FGF12: variants seen among roughly 807,000 people sequenced by gnomAD.
FGF12 encodes fibroblast growth factor 12B.
FGF12 carries 14 observed loss-of-function variants against 23.6 expected under a neutral mutation model. The ratio of observed to expected loss-of-function variants is 0.59; its 90% CI spans 0.39 to 0.93. The LOEUF is 0.93. FGF12 is among the 40% of genes least tolerant of loss of function. FGF12 has a pLI of 0.00. For synonymous variants in FGF12, 62 were observed against 77.3 expected (o/e 0.80, Z 1.04); for missense variants, 175 against 217.8 (o/e 0.80, Z 1.24).
chr3:192,686,247 A>G (rs149170081), intron 2 of FGF12, among the ~76,000 whole-genome samples: 181 of 152,330 alleles, frequency 1.2e-3, no homozygotes, highest in African/African-American at 4.0e-3. Flanking sequence ...GACTGGCTTA[A>G]AATGAAAGGA....
chr3:192,688,474 T>G (rs1335020211), intron 2 of FGF12, among the ~76,000 whole-genome samples: 1 of 152,320 alleles, frequency 6.6e-6, no homozygotes, highest in East Asian at 1.9e-4. Flanking sequence ...CTACAAGAAT[T>G]ATGAAGAATC....
chr3:192,342,303 AC>A (rs1717730570), intron 3 of FGF12, among the ~76,000 whole-genome samples: 1 of 152,234 alleles, frequency 6.6e-6, no homozygotes, highest in Non-Finnish European at 1.5e-5. Context: ...TATGTATTAC[AC>A]ATAGACTAAA....
intron 5 of FGF12, among the ~76,000 whole-genome samples, chr3:192,148,318 A>G (rs1259944325): frequency 6.6e-6 from 1 of 152,224 alleles, no homozygotes. Context: ...ACATGAATGA[A>G]CCTTGAAGAA....
chr3:192,667,817 C>G (rs146427977), intron 2 of FGF12, among the ~76,000 whole-genome samples: 110 of 151,864 alleles, frequency 7.2e-4, no homozygotes, highest in African/African-American at 2.2e-3. Flanking sequence ...GATATTGACA[C>G]ATTTTGAACA....
At position 192,727,162 on chromosome 3, in the gene FGF12, G is replaced by A. The variant is rs1037463226; in HGVS notation, c.13+19C>T. 8 of 1,574,560 alleles carry A rather than the reference G, an allele frequency of 5.1e-6. No individual in the cohort carries two copies. Among genetic ancestry groups the A allele is most frequent in the Admixed American group, 1.8e-5 (1 of 54,150 alleles). On this transcript the variant is annotated intron_variant, in intron 2 of 5. Transcript: ENST00000445105. ...ACGCACATGCAGCGGGAAGTCCCCC[G>A]ATAGGGACAACCACATACCTTTGCT...
chr3:192,385,041 G>T (rs1719983496), intron 2 of FGF12, among the ~76,000 whole-genome samples: 1 of 152,176 alleles, frequency 6.6e-6, no homozygotes, highest in East Asian at 1.9e-4. Context: ...GGAAAAGGGA[G>T]ATGACCTGGC....
At chr3:192,236,117 C>G (rs951021423) in intron 4 of FGF12, among the ~76,000 whole-genome samples, 1 of 152,130 alleles carries the variant, frequency 6.6e-6, no homozygotes, top group Non-Finnish European at 1.5e-5. Flanking sequence ...ATTCTTCACA[C>G]AAAAGTCATT....
chr3:192,606,465 C>T (rs1236164932), intron 2 of FGF12, among the ~76,000 whole-genome samples: 1 of 152,048 alleles, frequency 6.6e-6, no homozygotes, highest in Admixed American at 6.6e-5. Context: ...TACACCAAAC[C>T]TCAGTATCAC....
At chr3:192,567,773 CTTTCTTTCTTTCT>C (rs1324885050) in intron 2 of FGF12, among the ~76,000 whole-genome samples, 2 of 133,722 alleles carry the variant, frequency 1.5e-5, no homozygotes, top group African/African-American at 5.4e-5. Flanking sequence ...TTCTTTCTTT[CTTTCTTTCTTTCT>C]TTCTTTCTTT....
At chr3:192,523,313 T>C (rs1284892235) in intron 2 of FGF12, among the ~76,000 whole-genome samples, 2 of 152,220 alleles carry the variant, frequency 1.3e-5, no homozygotes, top group Non-Finnish European at 2.9e-5. Flanking sequence ...TCCTCTAGGA[T>C]GAAGGGATGC....
intron 2 of FGF12, among the ~76,000 whole-genome samples, chr3:192,698,830 C>T (rs1392364621): frequency 6.6e-6 from 1 of 152,150 alleles, no homozygotes; most frequent in Non-Finnish European, 1.5e-5. Flanking sequence ...AGAATCACCT[C>T]CATTTTTCAA....
rs1406650262 is a variant in FGF12, at chr3:192,526,453, G to A, written c.14-165915C>T. ...GTGTTGATTTAGCCAGAGGAATCAG[G>A]AAATGCTGAGGCACTTATCACATCA... On this transcript the variant is annotated intron_variant, in intron 2 of 5. Coordinates refer to ENST00000445105, the MANE Select transcript of FGF12 (RefSeq NM_004113.6). Among the ~76,000 whole-genome samples the A allele has an allele frequency of 2.0e-5, 3 of 152,140 alleles. No homozygotes were observed. In the East Asian group the frequency reaches 5.8e-4, roughly 29 times the overall value.
chr3:192,552,101 G>A (rs1711550466), intron 2 of FGF12, among the ~76,000 whole-genome samples: 1 of 152,032 alleles, frequency 6.6e-6, no homozygotes, highest in Admixed American at 6.6e-5. Context: ...TAGGACTAAT[G>A]AGAATTCTAT....
intron 2 of FGF12, among the ~76,000 whole-genome samples, chr3:192,695,462 G>A (rs947216028): frequency 3.3e-5 from 5 of 152,098 alleles, no homozygotes; most frequent in African/African-American, 1.2e-4. Context: ...TAAACTGCAG[G>A]CTCTTAGGGA....
chr3:192,205,643 A>G (rs1717608921), intron 4 of FGF12, among the ~76,000 whole-genome samples: 1 of 152,180 alleles, frequency 6.6e-6, no homozygotes, highest in African/African-American at 2.4e-5. Flanking sequence ...GTGCTTAAGA[A>G]GTTCTTGTAA....
rs571646796 is a variant in FGF12, at chr3:192,536,642, T to G, written c.14-176104A>C. On this transcript the variant is annotated intron_variant, in intron 2 of 5. Transcript: ENST00000445105. ...ATATATATAAAATAAGATTTTTGCT[T>G]TTGATATTTTGATTTTTTTAACTTT... 4.1e-4 allele frequency among the ~76,000 whole-genome samples: 62 copies of G among 152,152 alleles called. 1 individual carries two copies. The highest frequency in any genetic ancestry group is 1.4e-3 in the African/African-American group (59 of 41,548).
chr3:192,216,597 A>T (rs943888456), intron 4 of FGF12, among the ~76,000 whole-genome samples: 8 of 152,232 alleles, frequency 5.3e-5, no homozygotes, highest in Non-Finnish European at 1.2e-4. Context: ...TCTATAAAAG[A>T]TTTATAAAAA....
chr3:192,166,654 G>A (rs76460829), intron 5 of FGF12, among the ~76,000 whole-genome samples: 10,013 of 152,096 alleles, frequency 0.066, 407 homozygotes, highest in African/African-American at 0.097. Context: ...AACCTACTTC[G>A]TACAAATGGA....
chr3:192,462,091 T>C (rs1576996884), intron 2 of FGF12, among the ~76,000 whole-genome samples: 1 of 151,952 alleles, frequency 6.6e-6, no homozygotes, highest in Non-Finnish European at 1.5e-5. Flanking sequence ...ATTTAAAACA[T>C]GTTTTTAAAA....
Sources: allele counts gnomAD v4.1 joint callset (sites outside exome capture counted in the v4.1 genomes callset), GRCh38; gene constraint gnomAD v4.1.1; transcripts MANE v1.5; gene names NCBI Gene and HGNC (gene_info 2026-07-23, HGNC 2026-07-21).